Variants in KHDRBS2 observed in about 807,000 individuals in gnomAD.
KHDRBS2 encodes KH RNA binding domain containing, signal transduction associated 2.
A neutral mutation model predicts 44.3 loss-of-function variants in KHDRBS2; 26 were observed. That is an observed-to-expected ratio of 0.59 (90% confidence interval 0.43 to 0.81). The LOEUF (loss-of-function observed/expected upper bound fraction) is 0.81. Ranked by LOEUF, KHDRBS2 falls within the 40% of genes least tolerant of loss-of-function variation. The probability of loss-of-function intolerance (pLI) is 0.00; values close to 1 mark genes in which losing one functional copy is unlikely to be tolerated. For synonymous variants in KHDRBS2, 194 were observed against 151.1 expected (o/e 1.28, Z -2.08); for missense variants, 476 against 433.1 (o/e 1.10, Z -0.88).
chr6:61,627,080 C>T, the KHDRBS2 span, among the ~76,000 whole-genome samples: 5 of 151,090 alleles, frequency 3.3e-5, no homozygotes, highest in African/African-American at 4.9e-5. Flanking sequence ...GGTGAAACCC[C>T]GTCTCTACTA....
At chr6:61,768,199 C>A (rs1373733241) in intron 6 of KHDRBS2, among the ~76,000 whole-genome samples, 1 of 152,064 alleles carries the variant, frequency 6.6e-6, no homozygotes, top group Admixed American at 6.5e-5. Context: ...CTGAAAAGTC[C>A]AGTGGAAACC....
At chr6:62,280,871 C>T (rs1335308790) in intron 1 of KHDRBS2, among the ~76,000 whole-genome samples, 1 of 152,096 alleles carries the variant, frequency 6.6e-6, no homozygotes, top group African/African-American at 2.4e-5. Flanking sequence ...GGCAAGTCAA[C>T]CCTGAAGAAA....
At chr6:61,888,130 A>C (rs1224712802) in intron 6 of KHDRBS2, among the ~76,000 whole-genome samples, 3 of 152,180 alleles carry the variant, frequency 2.0e-5, no homozygotes, top group African/African-American at 7.2e-5. Flanking sequence ...TTTCCTCTCT[A>C]AAAATTAGTG....
intron 1 of KHDRBS2, among the ~76,000 whole-genome samples, chr6:62,280,321 G>C (rs1008544219): frequency 6.6e-6 from 1 of 152,168 alleles, no homozygotes; most frequent in Admixed American, 6.5e-5. Flanking sequence ...ACAGCATTGT[G>C]TGTGTTGGTG....
chr6:62,082,872 C>G (rs1440750684), intron 2 of KHDRBS2, among the ~76,000 whole-genome samples: 1 of 152,126 alleles, frequency 6.6e-6, no homozygotes, highest in Admixed American at 6.6e-5. Context: ...TTTAAATACT[C>G]AATCCTTCCT....
rs114197266 is a variant in KHDRBS2 at position 61,911,402 on chromosome 6, T to C, written c.484-10031A>G. Reference sequence around the variant, plus strand: ...GGGAGTTAAAGTGCATGTAGATGACTAGATCCCTACACTTGTTCATGTAAT... The same window carrying C: ...GGGAGTTAAAGTGCATGTAGATGACCAGATCCCTACACTTGTTCATGTAAT... On this transcript the variant is annotated intron_variant, in intron 4 of 8. Transcript: ENST00000281156. 3.4e-3 allele frequency among the ~76,000 whole-genome samples: 511 copies of C among 152,262 alleles called. 2 individuals are homozygous for C. The highest frequency in any genetic ancestry group is 6.0e-3 in the Non-Finnish European group (407 of 68,012).
intron 1 of KHDRBS2, among the ~76,000 whole-genome samples, chr6:62,271,796 T>C (rs532318158): frequency 1.1e-4 from 16 of 152,092 alleles, no homozygotes; most frequent in Non-Finnish European, 2.2e-4. Flanking sequence ...TATAAAGATA[T>C]TGTTTAGCTA....
chr6:61,647,638 T>C, the KHDRBS2 span, among the ~76,000 whole-genome samples: 2 of 152,282 alleles, frequency 1.3e-5, no homozygotes, highest in Admixed American at 6.5e-5. Context: ...TTATATTTTA[T>C]ACAAAAAGTT....
At chr6:61,890,920 C>T (rs547283452) in intron 6 of KHDRBS2, among the ~76,000 whole-genome samples, 45 of 152,122 alleles carry the variant, frequency 3.0e-4, no homozygotes, top group Non-Finnish European at 5.9e-4. Flanking sequence ...CACATTTCAC[C>T]TGTTCAAGTA....
intron 2 of KHDRBS2, among the ~76,000 whole-genome samples, chr6:62,173,827 A>G (rs1820551433): frequency 6.6e-6 from 1 of 152,042 alleles, no homozygotes; most frequent in African/African-American, 2.4e-5. Context: ...GATCATTTAA[A>G]TAGACACACA....
chr6:62,037,493 GA>G (rs374975623), intron 3 of KHDRBS2, among the ~76,000 whole-genome samples: 13 of 151,576 alleles, frequency 8.6e-5, no homozygotes, highest in Non-Finnish European at 1.9e-4. Flanking sequence ...TGAAGACTGG[GA>G]AAAAATATTC....
intron 6 of KHDRBS2, among the ~76,000 whole-genome samples, chr6:61,801,764 G>A (rs1341091645): frequency 6.6e-6 from 1 of 152,092 alleles, no homozygotes; most frequent in Non-Finnish European, 1.5e-5. Context: ...TCATAATAGG[G>A]ATAATATTAA....
intron 3 of KHDRBS2, among the ~76,000 whole-genome samples, chr6:61,984,694 T>C (rs191018056): frequency 7.6e-4 from 116 of 152,314 alleles, no homozygotes; most frequent in Non-Finnish European, 1.4e-3. Flanking sequence ...CTCTGGCTAT[T>C]CAGTGAACTA....
intron 2 of KHDRBS2, among the ~76,000 whole-genome samples, chr6:62,147,858 T>C (rs969322349): frequency 2.0e-5 from 3 of 151,982 alleles, no homozygotes; most frequent in Non-Finnish European, 2.9e-5. Context: ...TAGCCTATGA[T>C]TAAGTAATTC....
At chr6:62,075,777 ACACT>A (rs1193291538) in intron 2 of KHDRBS2, among the ~76,000 whole-genome samples, 2 of 151,578 alleles carry the variant, frequency 1.3e-5, no homozygotes, top group Non-Finnish European at 2.9e-5. Flanking sequence ...AATTAAGGTA[ACACT>A]CAGCCTCTGT....
the KHDRBS2 span, among the ~76,000 whole-genome samples, chr6:61,573,984 ATACT>A: frequency 6.6e-6 from 1 of 152,158 alleles, no homozygotes; most frequent in Non-Finnish European, 1.5e-5. Context: ...ATGATGCCAA[ATACT>A]TACAGCCAAC....
chr6:61,864,135 T>C (rs926392487), intron 6 of KHDRBS2, among the ~76,000 whole-genome samples: 3 of 152,066 alleles, frequency 2.0e-5, no homozygotes, highest in African/African-American at 7.2e-5. Context: ...TTTCCATTTT[T>C]TCTCCTTCCC....
At chr6:61,905,095 G>A (rs1221373840) in intron 4 of KHDRBS2, among the ~76,000 whole-genome samples, 2 of 152,174 alleles carry the variant, frequency 1.3e-5, no homozygotes, top group Non-Finnish European at 2.9e-5. Context: ...GACCAAAAAG[G>A]ATAGCAATGA....
intron 1 of KHDRBS2, among the ~76,000 whole-genome samples, chr6:62,183,336 A>G (rs1585099924): frequency 6.6e-6 from 1 of 151,714 alleles, no homozygotes. Context: ...TAAAGTCAAA[A>G]TTTATGTAAA....
Sources: gnomAD v4.1 joint callset for allele counts (sites outside exome capture counted in the v4.1 genomes callset) on GRCh38, gnomAD v4.1.1 for gene constraint, MANE v1.5 for transcripts, NCBI Gene and HGNC (gene_info 2026-07-23, HGNC 2026-07-21) for gene names.